The following PLCH2 variants were observed in gnomAD, a reference collection of about 807,000 sequenced individuals.
The protein encoded by PLCH2 is phospholipase C eta 2, also known as 1-phosphatidylinositol 4,5-bisphosphate phosphodiesterase eta-2.
In PLCH2, 98 loss-of-function variants were observed where a neutral mutation model predicts 134.7. That is an observed-to-expected ratio of 0.73 (90% CI 0.62 to 0.86). The LOEUF is 0.86. PLCH2 is among the 40% of genes least tolerant of loss of function. PLCH2 has a pLI of 0.00. For missense variants in PLCH2, 1,994 were observed against 1,986.6 expected (o/e 1.00, Z -0.07); for synonymous variants, 974 against 827.5 (o/e 1.18, Z -3.04).
In PLCH2 at chr1:2,504,373, T is replaced by G. The variant is rs529774350; in HGVS notation, c.3411T>G (p.Cys1137Trp). The G allele has an allele frequency of 3.6e-5, 58 of 1,611,610 alleles. No individual in the cohort carries two copies. The East Asian group carries it at 1.3e-3, about 35-fold the overall frequency. ...SDPLWQRLEP[C>W]GHRDSVSSSS... The stretch of plus-strand genomic sequence containing the variant: ...CGCTGTGGCAGCGGCTGGAGCCATG[T>G]GGCCACCGAGACAGCGTTTCCTCCT... Residue 1137 changes from cysteine (C) to tryptophan (W), a missense_variant, in exon 22 of 22, where the codon TGT (cysteine) becomes TGG (tryptophan). By Grantham distance (215) the Cys-to-Trp change is radical. This residue lies in a region of PLCH2 where 900 missense variants were observed against 752.3 expected (regional missense o/e 1.20). Coordinates refer to ENST00000378486, the MANE Select transcript of PLCH2 (RefSeq NM_014638.4).
chr1:2,492,061 G>A (rs967200942), intron 11 of PLCH2, among the ~76,000 whole-genome samples: 10 of 152,236 alleles, frequency 6.6e-5, no homozygotes, highest in African/African-American at 2.4e-4. Context: ...GTCTCCTGGT[G>A]CCTGGAGAGC....
chr1:2,491,251 C>G lies in PLCH2; in HGVS notation c.1575C>G (p.Ile525Met). The change falls in exon 11 of 22, where the codon ATC becomes ATG. Residue 525 changes from isoleucine to methionine, a missense_variant. Coordinates refer to ENST00000378486, the MANE Select transcript of PLCH2 (RefSeq NM_014638.4). ...NTAKRKLDSL[I>M]KESKIRDCED... is the part of the protein sequence containing the mutation. Reference sequence around the variant, plus strand: ...CTAAGAGGAAACTGGATTCCCTCATCAAAGAGTCGAAGATTCGGGACTGTG... The same window carrying G: ...CTAAGAGGAAACTGGATTCCCTCATGAAAGAGTCGAAGATTCGGGACTGTG... The G allele has an allele frequency of 6.2e-7, 1 of 1,613,294 alleles. No homozygotes were observed. The highest frequency in any genetic ancestry group is 1.3e-5 in the African/African-American group (1 of 75,050).
At chr1:2,475,697 C>G (rs1202260289), upstream of PLCH2, among the ~76,000 whole-genome samples, 1 of 152,182 alleles carries the variant, frequency 6.6e-6, no homozygotes, top group Admixed American at 6.5e-5. Flanking sequence ...GCCACCTCCT[C>G]CGCCACAGCT....
At chr1:2,459,206 G>A (rs1157748286) in intron 2 of PLCH2, among the ~76,000 whole-genome samples, 1 of 152,270 alleles carries the variant, frequency 6.6e-6, no homozygotes, top group Non-Finnish European at 1.5e-5. Context: ...GGTGACAAAT[G>A]CCACGCTGGT....
intron 1 of PLCH2, among the ~76,000 whole-genome samples, chr1:2,427,606 C>T (rs1002067251): frequency 6.6e-6 from 1 of 152,128 alleles, no homozygotes; most frequent in African/African-American, 2.4e-5. Context: ...GGTGTGGCAC[C>T]CCACTTCCTG....
Position 2,503,944 on chromosome 1 carries a change from GC to G in PLCH2, c.2983del (p.Arg995GlyfsTer51). On this transcript the variant is annotated frameshift_variant, in exon 22 of 22. Coordinates refer to ENST00000378486, the MANE Select transcript of PLCH2 (RefSeq NM_014638.4). LOFTEE classifies it high-confidence loss of function. ...PRDTRPLSTQ[R>X]PLPPLCSLET... Reference sequence around the variant, plus strand: ...CAGACACCCGCCCCCTCTCCACGCAGCGGCCACTCCCCCCACTGTGCAGCCT... The same window carrying G: ...CAGACACCCGCCCCCTCTCCACGCAGGGCCACTCCCCCCACTGTGCAGCCT... The G allele has an allele frequency of 9.1e-7, 1 of 1,096,014 alleles. No individual in the cohort carries two copies. Among genetic ancestry groups the G allele is most frequent in the Non-Finnish European group, 1.2e-6 (1 of 816,924 alleles). 67.9% of individuals were successfully genotyped at this position (1,096,014 alleles called of 1,614,324 possible).
intron 2 of PLCH2, among the ~76,000 whole-genome samples, chr1:2,451,770 C>T (rs550934756): frequency 6.6e-6 from 1 of 152,164 alleles, no homozygotes; most frequent in East Asian, 1.9e-4. Flanking sequence ...CCCCACCGGC[C>T]TGGGACCCTA....
rs980001163 is a variant in PLCH2 at position 2,505,041 on chromosome 1, A to G, written c.4079A>G (p.Gln1360Arg). The G allele has an allele frequency of 2.6e-6, 4 of 1,543,630 alleles. No individual in the cohort carries two copies. The Admixed American group carries it at 7.7e-5, about 30-fold the overall frequency. Residue 1360 changes from glutamine (Q) to arginine (R), a missense_variant, in exon 22 of 22, where the codon CAG becomes CGG. Physicochemically the swap from Gln to Arg is conservative, Grantham distance 43 (BLOSUM62 1). Coordinates refer to ENST00000378486, the MANE Select transcript of PLCH2 (RefSeq NM_014638.4). The stretch of plus-strand genomic sequence containing the variant: ...CGGGCCCGCCAGGCCCAGGAGCGGC[A>G]GCAGAGACTGCAGGGCCTGGGCCGG... ...ASRARQAQER[Q>R]QRLQGLGRQG...
chr1:2,420,912 A>G, the PLCH2 span, among the ~76,000 whole-genome samples: 1 of 149,684 alleles, frequency 6.7e-6, no homozygotes, highest in African/African-American at 2.5e-5. Context: ...TTTAATCACT[A>G]TTAGTGGGGT....
Position 2,495,524 on chromosome 1 carries a change from G to A in PLCH2, c.1789G>A (p.Glu597Lys), listed in dbSNP as rs766067880. 2.6e-6 allele frequency: 4 copies of A among 1,552,194 alleles called. No individual in the cohort carries two copies. The East Asian group carries it at 9.8e-5, about 38-fold the overall frequency. Residue 597 changes from glutamate to lysine, a missense_variant, in exon 13 of 22, where the codon GAG becomes AAG. Physicochemically the swap from Glu to Lys is moderately conservative, Grantham distance 56. This residue lies in a region of PLCH2 where 1,094 missense variants were observed against 1,234.3 expected (regional missense o/e 0.89). Coordinates refer to ENST00000378486, the MANE Select transcript of PLCH2 (RefSeq NM_014638.4). ...CAAGCTGAAGAAGGCGGCCAGCGTG[G>A]AGGAGGGAGATGAGGGTCAGGACTC... ...GSKLKKAASV[E>K]EGDEGQDSPG...
rs1013444673 is a variant in PLCH2 at position 2,503,937 on chromosome 1, C to T, written c.2975C>T (p.Ser992Phe). 6.3e-5 allele frequency: 78 copies of T among 1,240,320 alleles called. 1 individual carries two copies. The highest frequency in any genetic ancestry group is 8.7e-5 in the Non-Finnish European group (76 of 870,716). 76.8% of individuals were successfully genotyped at this position (1,240,320 alleles called of 1,614,324 possible). Residue 992 changes from serine to phenylalanine, a missense_variant, in exon 22 of 22, where the codon TCC (serine) becomes TTC (phenylalanine). Physicochemically the swap from Ser to Phe is radical, Grantham distance 155. Around this residue, in one of 2 missense-constraint regions of PLCH2, gnomAD observed 900 missense variants for 752.3 expected, o/e 1.20. Coordinates refer to ENST00000378486, the MANE Select transcript of PLCH2 (RefSeq NM_014638.4). ...SGSPRDTRPL[S>F]TQRPLPPLCS... ...CTCCCCACAGACACCCGCCCCCTCT[C>T]CACGCAGCGGCCACTCCCCCCACTG... is the stretch of plus-strand genomic sequence containing the variant.
intron 2 of PLCH2, among the ~76,000 whole-genome samples, chr1:2,462,240 CTCCTCTGATA>C (rs1640850464): frequency 1.0e-5 from 1 of 99,894 alleles, no homozygotes; most frequent in African/African-American, 4.2e-5. Context: ...CGCCTGACAC[CTCCTCTGATA>C]CCCTCTGCCT....
intron 10 of PLCH2, 53 bp downstream of exon 10, chr1:2,489,920 A>G (rs1459808952): frequency 2.3e-6 from 3 of 1,279,152 alleles, no homozygotes; most frequent in Non-Finnish European, 3.4e-6. Context: ...GTTCCCAAGA[A>G]CAGCTGTCCG....
chr1:2,477,844 G>A (rs1641719776), intron 1 of PLCH2, among the ~76,000 whole-genome samples: 1 of 152,242 alleles, frequency 6.6e-6, no homozygotes, highest in South Asian at 2.1e-4. Flanking sequence ...CACATGAGGG[G>A]TGGGGGCTTT....
In PLCH2 at chr1:2,476,648, G is replaced by A. The variant is rs373410244; in HGVS notation, c.60G>A (p.Ala20=). Residue 20 remains alanine, a synonymous_variant, in exon 1 of 22, where the codon GCG becomes GCA. Coordinates refer to ENST00000378486, the MANE Select transcript of PLCH2 (RefSeq NM_014638.4). ...SRTKGTVAWL[A]EVLLWVGGSV... Reference sequence around the variant, plus strand: ...CCAAGGGAACGGTGGCCTGGCTGGCGGAGGTACTCCTCTGGGTTGGAGGGA... The same window carrying A: ...CCAAGGGAACGGTGGCCTGGCTGGCAGAGGTACTCCTCTGGGTTGGAGGGA... The A allele has an allele frequency of 1.2e-4, 187 of 1,608,108 alleles. No individual in the cohort carries two copies. The highest frequency in any genetic ancestry group is 1.7e-4 in the Middle Eastern group (1 of 5,808).
the PLCH2 span, among the ~76,000 whole-genome samples, chr1:2,420,601 CTT>C: frequency 6.6e-6 from 1 of 152,224 alleles, no homozygotes; most frequent in East Asian, 1.9e-4. Context: ...GGGGCACACT[CTT>C]TGCACCCCGC....
At chr1:2,483,176 G>A (rs374217156) in intron 4 of PLCH2, among the ~76,000 whole-genome samples, 3 of 152,192 alleles carry the variant, frequency 2.0e-5, no homozygotes, top group East Asian at 1.9e-4. Context: ...TGGGGCTTCC[G>A]TGGAGGCCTG....
intron 2 of PLCH2, among the ~76,000 whole-genome samples, chr1:2,438,506 G>T (rs1306933208): frequency 6.6e-6 from 1 of 152,142 alleles, no homozygotes; most frequent in Non-Finnish European, 1.5e-5. Context: ...TCCTGCAAAG[G>T]TGTGCACACT....
intron 2 of PLCH2, among the ~76,000 whole-genome samples, chr1:2,453,798 G>A (rs1313909522): frequency 6.6e-6 from 1 of 152,194 alleles, no homozygotes; most frequent in Non-Finnish European, 1.5e-5. Flanking sequence ...GGTCCAGCCT[G>A]GTGCCTGTCC....
Sources: gnomAD v4.1 joint callset for allele counts (sites outside exome capture counted in the v4.1 genomes callset) on GRCh38, gnomAD v4.1.1 for gene constraint, gnomAD v4.1.1 regional missense constraint, MANE v1.5 for transcripts, NCBI Gene and HGNC (gene_info 2026-07-23, HGNC 2026-07-21) for gene names.